The following SLC30A6 variants were observed in gnomAD, a reference collection of about 807,000 sequenced individuals.
SLC30A6 encodes the protein zinc transporter 6.
A neutral mutation model predicts 63.0 loss-of-function variants in SLC30A6; 55 were observed. That is an observed-to-expected ratio of 0.87 (90% CI 0.70 to 1.09). The LOEUF (loss-of-function observed/expected upper bound fraction) is 1.09. Among genes scored for constraint, SLC30A6 ranks in the 50% least tolerant of loss-of-function variants. The probability of loss-of-function intolerance (pLI) is 0.00; values close to 1 mark genes in which losing one functional copy is unlikely to be tolerated. For synonymous variants in SLC30A6, 224 were observed against 186.1 expected (o/e 1.20, Z -1.66); for missense variants, 587 against 549.2 (o/e 1.07, Z -0.69).
rs1387630427 is a variant in SLC30A6, at chr2:32,184,295, T to C, written c.241T>C (p.Tyr81His). The stretch of plus-strand genomic sequence containing the variant: ...TAGTTTAATGACATGTTTAATAAGT[T>C]ACTGGGTAACATTGAGGAAACCTAG... ...LFSLMTCLIS[Y>H]WVTLRKPSPV... Residue 81 changes from tyrosine to histidine, a missense_variant, in exon 5 of 14, where the codon TAC becomes CAC. Coordinates refer to ENST00000282587, the MANE Select transcript of SLC30A6 (RefSeq NM_017964.5). 6.4e-7 allele frequency: 1 copy of C among 1,552,992 alleles called. No homozygotes were observed. Among genetic ancestry groups the C allele is most frequent in the Non-Finnish European group, 8.7e-7 (1 of 1,145,854 alleles).
At chr2:32,219,306 G>A (rs973194355) in intron 13 of SLC30A6, among the ~76,000 whole-genome samples, 1 of 151,900 alleles carries the variant, frequency 6.6e-6, no homozygotes, top group Non-Finnish European at 1.5e-5. Flanking sequence ...AAAGTGCTGG[G>A]ATTACAGGCG....
intron 4 of SLC30A6, among the ~76,000 whole-genome samples, chr2:32,183,604 C>T (rs1444469717): frequency 6.7e-6 from 1 of 149,374 alleles, no homozygotes; most frequent in African/African-American, 2.5e-5. Context: ...AGGACAATCA[C>T]TTGAACCTGG....
intron 13 of SLC30A6, among the ~76,000 whole-genome samples, chr2:32,218,521 TTTTG>T (rs2148915526): frequency 1.9e-4 from 1 of 5,194 alleles, no homozygotes; most frequent in South Asian, 5.7e-3. Context: ...AGCTCTCCTC[TTTTG>T]TTTTGTTTTG....
chr2:32,214,664 A>G (rs1283819847), intron 13 of SLC30A6: 3 of 152,188 alleles, frequency 2.0e-5, no homozygotes, highest in Admixed American at 1.3e-4. Flanking sequence ...ACACCTATGA[A>G]GTCCCTGGTT....
Position 32,206,885 on chromosome 2 carries a change from G to T in SLC30A6, c.769-1G>T. 2 of 1,611,318 alleles carry T rather than the reference G, an allele frequency of 1.2e-6. No homozygotes were observed. Among genetic ancestry groups the T allele is most frequent in the South Asian group, 1.1e-5 (1 of 90,962 alleles). ...TCATATTTTATTGTATTTTTCCCCA[G>T]ACAACACCACCCCATGTTATTGGTC... On this transcript the variant is annotated splice_acceptor_variant, in intron 11 of 13. Coordinates refer to ENST00000282587, the MANE Select transcript of SLC30A6 (RefSeq NM_017964.5). LOFTEE classifies it high-confidence loss of function.
In SLC30A6 at chr2:32,208,654, G is replaced by C. The variant is rs575637519; in HGVS notation, c.817-839G>C. Among the ~76,000 whole-genome samples the C allele has an allele frequency of 1.1e-4, 16 of 140,378 alleles. No homozygotes were observed. In the East Asian group the frequency reaches 3.1e-3, roughly 27 times the overall value. 92.1% of individuals were successfully genotyped at this position (140,378 alleles called of 152,430 possible). A position where few individuals can be genotyped will look rare whatever the true frequency, so the allele number is the denominator to read the frequency against. On this transcript the variant is annotated intron_variant, in intron 12 of 13. Coordinates refer to ENST00000282587, the MANE Select transcript of SLC30A6 (RefSeq NM_017964.5). ...GCCACCCAGTCTGGAGTGCAGTGCC[G>C]TGTTCTCTGCTTCCCACCGGCTAAT...
At chr2:32,183,814 G>A (rs1476976590) in intron 4 of SLC30A6, among the ~76,000 whole-genome samples, 1 of 151,972 alleles carries the variant, frequency 6.6e-6, no homozygotes, top group East Asian at 1.9e-4. Context: ...ATCTACTATA[G>A]TTGGAAAATG....
In SLC30A6 at chr2:32,213,796, C is replaced by CTTTTTTTTT. The variant is rs767073182; in HGVS notation, c.885+4241_885+4249dup. Among the ~76,000 whole-genome samples, 27 of 106,780 alleles carry CTTTTTTTTT rather than the reference C, an allele frequency of 2.5e-4. 2 individuals carry two copies. The highest frequency in any genetic ancestry group is 5.1e-4 in the East Asian group (2 of 3,948). The allele number at this position is 106,780 out of a possible 152,430, so 70.1% of individuals were successfully genotyped here. A position where few individuals can be genotyped will look rare whatever the true frequency, so the allele number is the denominator to read the frequency against. Reference sequence around the variant, plus strand: ...CCTATATTAACAGGTCTAGGATAAACTTTTTTTTTTTTTTGTTTTTGTTTT... The same window carrying CTTTTTTTTT: ...CCTATATTAACAGGTCTAGGATAAACTTTTTTTTTTTTTTTTTTTTTTTGTTTTTGTTTT... On this transcript the variant is annotated intron_variant, in intron 13 of 13. Transcript: ENST00000282587.
Position 32,204,450 on chromosome 2 carries a change from T to A in SLC30A6, c.666-140T>A, listed in dbSNP as rs1349098407. The stretch of plus-strand genomic sequence containing the variant: ...AGTATTTTTCTTTGAAATGTTTCTT[T>A]GCAAGTAGTGGCCAATTGTGATAAA... On this transcript the variant is annotated intron_variant, in intron 10 of 13. Coordinates refer to ENST00000282587, the MANE Select transcript of SLC30A6 (RefSeq NM_017964.5). 3 of 394,742 alleles carry A rather than the reference T, an allele frequency of 7.6e-6. No individual in the cohort carries two copies. In the East Asian group the frequency reaches 1.1e-4, roughly 15 times the overall value. The allele number at this position is 394,742 out of a possible 1,614,324, so 24.5% of individuals were successfully genotyped here.
chr2:32,171,301 C>G lies in SLC30A6; in HGVS notation c.18C>G (p.Leu6=), dbSNP rs374555800. The change falls in exon 2 of 14, where the codon CTC becomes CTG. Residue 6 remains leucine, a synonymous_variant. Coordinates refer to ENST00000282587, the MANE Select transcript of SLC30A6 (RefSeq NM_017964.5). MGTIH[L]FRKPQRSFFG... ...TTGTTTGAAAGGGGACAATTCATCT[C>G]TTTCGAAAACCACAAAGATCCTTTT... 20 of 1,613,564 alleles carry G rather than the reference C, an allele frequency of 1.2e-5. No homozygotes were observed. In the African/African-American group the frequency reaches 2.5e-4, roughly 20 times the overall value.
intron 1 of SLC30A6, among the ~76,000 whole-genome samples, chr2:32,170,955 G>A (rs1362954042): frequency 6.6e-6 from 1 of 152,084 alleles, no homozygotes; most frequent in Non-Finnish European, 1.5e-5. Context: ...GAGCTATTTG[G>A]CAAACTATTT....
At position 32,204,708 on chromosome 2, in the gene SLC30A6, C is replaced by T. The variant is rs1409465244; in HGVS notation, c.768+16C>T. ...CTTACTCCAGGTAAGGTGCTTCTTC[C>T]AATGCACGTGCTTAATATTAGCCAT... On this transcript the variant is annotated intron_variant, in intron 11 of 13. Transcript: ENST00000282587. The T allele has an allele frequency of 2.0e-6, 3 of 1,503,774 alleles. No homozygotes were observed. The highest frequency in any genetic ancestry group is 2.8e-6 in the Non-Finnish European group (3 of 1,087,440). 93.2% of individuals were successfully genotyped at this position (1,503,774 alleles called of 1,614,324 possible). A position where few individuals can be genotyped will look rare whatever the true frequency, so the allele number is the denominator to read the frequency against.
chr2:32,194,242 A>C (rs1683583662), intron 8 of SLC30A6, among the ~76,000 whole-genome samples: 1 of 152,234 alleles, frequency 6.6e-6, no homozygotes, highest in African/African-American at 2.4e-5. Flanking sequence ...GAAAAATTAC[A>C]TTTACCAAAT....
At position 32,220,836 on chromosome 2, in the gene SLC30A6, A is replaced by G; in HGVS notation, c.*123A>G. The G allele has an allele frequency of 1.1e-6, 1 of 883,586 alleles. No individual in the cohort carries two copies. Among genetic ancestry groups the G allele is most frequent in the East Asian group, 2.6e-5 (1 of 38,078 alleles). 54.7% of individuals were successfully genotyped at this position (883,586 alleles called of 1,614,324 possible). A position where few individuals can be genotyped will look rare whatever the true frequency, so the allele number is the denominator to read the frequency against. The stretch of plus-strand genomic sequence containing the variant: ...ATGTTAGATAATAGTAGTCTTGTTC[A>G]CATTTCATGAAACCTATGAAACTAT... On this transcript the variant is annotated 3_prime_UTR_variant, in exon 14 of 14. Coordinates refer to ENST00000282587, the MANE Select transcript of SLC30A6 (RefSeq NM_017964.5).
chr2:32,199,960 C>G (rs974410979), intron 10 of SLC30A6, among the ~76,000 whole-genome samples: 6 of 152,024 alleles, frequency 3.9e-5, no homozygotes, highest in Non-Finnish European at 7.4e-5. Context: ...GCTAAAAATA[C>G]AAAAATTAGC....
In SLC30A6 at chr2:32,221,885, T is replaced by C. The variant is rs1686165043; in HGVS notation, c.*1172T>C. ...TCTTTCCTGACACATTTTCATTCAT[T>C]GGCTTTTTAATTTCTTATTTTATTA... is the stretch of plus-strand genomic sequence containing the variant. On this transcript the variant is annotated 3_prime_UTR_variant, in exon 14 of 14. Transcript: ENST00000282587. The C allele has an allele frequency of 6.6e-6, 1 of 152,228 alleles. No homozygotes were observed. The highest frequency in any genetic ancestry group is 1.5e-5 in the Non-Finnish European group (1 of 68,044). 9.4% of individuals were successfully genotyped at this position (152,228 alleles called of 1,614,324 possible). A position where few individuals can be genotyped will look rare whatever the true frequency, so the allele number is the denominator to read the frequency against.
intron 8 of SLC30A6, 161 bp from the exon 9 acceptor site, chr2:32,197,183 C>T (rs1225108479): frequency 4.8e-6 from 3 of 620,796 alleles, no homozygotes; most frequent in Non-Finnish European, 8.5e-6. Context: ...GGCATAAGGG[C>T]ATAAAAGAGG....
At chr2:32,176,976 T>C (rs1294367767) in intron 4 of SLC30A6, among the ~76,000 whole-genome samples, 3 of 151,942 alleles carry the variant, frequency 2.0e-5, no homozygotes, top group African/African-American at 4.8e-5. Context: ...TGTCGCCATG[T>C]TGGCCAGGCT....
At position 32,221,366 on chromosome 2, in the gene SLC30A6, T is replaced by C. The variant is rs1218353873; in HGVS notation, c.*653T>C. 2.6e-5 allele frequency: 4 copies of C among 153,258 alleles called. No homozygotes were observed. The highest frequency in any genetic ancestry group is 7.2e-5 in the African/African-American group (3 of 41,432). The allele number at this position is 153,258 out of a possible 1,614,324, so 9.5% of individuals were successfully genotyped here. ...GTAAAGACGGGGGATTTCACCATGT[T>C]GGCCAGGCTGGTCTTGAACTCCTGA... On this transcript the variant is annotated 3_prime_UTR_variant, in exon 14 of 14. Coordinates refer to ENST00000282587, the MANE Select transcript of SLC30A6 (RefSeq NM_017964.5).
Sources: gnomAD v4.1 joint callset for allele counts (sites outside exome capture counted in the v4.1 genomes callset) on GRCh38, gnomAD v4.1.1 for gene constraint, MANE v1.5 for transcripts, NCBI Gene and HGNC (gene_info 2026-07-23, HGNC 2026-07-21) for gene names.